The following CLEC16A variants were observed in gnomAD, a reference collection of about 807,000 sequenced individuals.
CLEC16A encodes the protein protein CLEC16A.
CLEC16A carries 51 observed loss-of-function variants against 109.5 expected under a neutral mutation model. The observed-to-expected ratio is 0.47, with a 90% confidence interval of 0.37 to 0.59. The LOEUF is 0.59. Ranked by LOEUF, CLEC16A falls within the 20% of genes least tolerant of loss-of-function variation. The pLI, the probability that CLEC16A is intolerant of heterozygous loss-of-function variation, is 0.00. For missense variants in CLEC16A, 1,339 were observed against 1,394.0 expected, an observed-to-expected ratio of 0.96 and a Z score of 0.63; for synonymous variants, 673 against 564.2, an observed-to-expected ratio of 1.19 and a Z score of -2.73.
intron 1 of CLEC16A, among the ~76,000 whole-genome samples, chr16:10,955,062 G>A (rs1344725794): frequency 6.6e-6 from 1 of 152,212 alleles, no homozygotes; most frequent in Non-Finnish European, 1.5e-5. Flanking sequence ...CCACCACTGT[G>A]TAGAATCTGA....
At chr16:11,168,244 T>A (rs2068356321) in intron 23 of CLEC16A, among the ~76,000 whole-genome samples, 1 of 152,200 alleles carries the variant, frequency 6.6e-6, no homozygotes, top group Admixed American at 6.5e-5. Context: ...AGTTTCTTTT[T>A]TCTTGGCCTC....
chr16:11,171,281 G>A (rs1016847088), intron 23 of CLEC16A, among the ~76,000 whole-genome samples: 1 of 152,344 alleles, frequency 6.6e-6, no homozygotes, highest in East Asian at 1.9e-4. Context: ...CCCTCCGTGT[G>A]CAGCACCTGC....
rs757760220 is a variant in CLEC16A, at chr16:11,003,232, C to A, written c.1230C>A (p.Ala410=). The change falls in exon 11 of 24, where the codon GCC becomes GCA. Residue 410 remains alanine (A), a synonymous_variant. Coordinates refer to ENST00000409790, the MANE Select transcript of CLEC16A (RefSeq NM_015226.3). The part of the protein sequence containing the change: ...EDEEKGPTED[A]QEDAEKAKGT... ...AGGAGAAAGGGCCCACCGAGGATGC[C>A]CAAGAAGACGCCGAGAAGGCTAAAG... 1.1e-5 allele frequency: 18 copies of A among 1,613,126 alleles called. No individual in the cohort carries two copies. In the African/African-American group the frequency reaches 1.9e-4, roughly 17 times the overall value.
At chr16:11,115,734 A>G (rs935733305) in intron 19 of CLEC16A, among the ~76,000 whole-genome samples, 1 of 152,214 alleles carries the variant, frequency 6.6e-6, no homozygotes, top group Non-Finnish European at 1.5e-5. Flanking sequence ...GTTTATAAGA[A>G]TGAATATGAT....
At chr16:11,146,908 G>A (rs1348504357) in intron 22 of CLEC16A, among the ~76,000 whole-genome samples, 1 of 152,144 alleles carries the variant, frequency 6.6e-6, no homozygotes, top group Non-Finnish European at 1.5e-5. Context: ...GGGCACTGTG[G>A]ACACCTTAGA....
intron 19 of CLEC16A, among the ~76,000 whole-genome samples, chr16:11,093,225 A>G (rs535650423): frequency 1.3e-5 from 2 of 152,382 alleles, no homozygotes; most frequent in East Asian, 3.9e-4. Context: ...AGAGAAGGGC[A>G]GTAGGCTTCA....
rs1426668220 is a variant in CLEC16A at position 10,971,148 on chromosome 16, C to T, written c.516C>T (p.Tyr172=). ...AGCACACCAATGACTTTGCCCTGTA[C>T]ACAGAAGCCATCAAGTTTTTCAACC... ...YNEHTNDFAL[Y]TEAIKFFNHP... is the part of the protein sequence containing the mutation. Residue 172 remains tyrosine, a synonymous_variant, in exon 5 of 24, where the codon TAC becomes TAT. Coordinates refer to ENST00000409790, the MANE Select transcript of CLEC16A (RefSeq NM_015226.3). 4 of 1,613,056 alleles carry T rather than the reference C, an allele frequency of 2.5e-6. No homozygotes were observed. Among genetic ancestry groups the T allele is most frequent in the African/African-American group, 1.3e-5 (1 of 74,928 alleles).
rs116795309 is a variant in CLEC16A at position 11,006,002 on chromosome 16, C to T, written c.1303+2697C>T. On this transcript the variant is annotated intron_variant, in intron 11 of 23. Coordinates refer to ENST00000409790, the MANE Select transcript of CLEC16A (RefSeq NM_015226.3). ...TTAAGTGAAGATACGTTGATATTTG[C>T]GATTGCAAGATTTAGAAATCCAACT... Among the ~76,000 whole-genome samples, 687 of 151,376 alleles carry T rather than the reference C, an allele frequency of 4.5e-3. 6 individuals are homozygous for T. The highest frequency in any genetic ancestry group is 0.031 in the Middle Eastern group (9 of 294).
intron 22 of CLEC16A, among the ~76,000 whole-genome samples, chr16:11,145,544 CAG>C (rs919526527): frequency 1.6e-4 from 25 of 152,276 alleles, no homozygotes; most frequent in Non-Finnish European, 3.2e-4. Context: ...CTTTAAGCAG[CAG>C]AGAGTCAGGC....
intron 23 of CLEC16A, among the ~76,000 whole-genome samples, chr16:11,175,682 C>A (rs1273402845): frequency 6.6e-6 from 1 of 152,294 alleles, no homozygotes; most frequent in East Asian, 1.9e-4. Context: ...CTACTTTTAG[C>A]GGGGAAACCA....
intron 23 of CLEC16A, among the ~76,000 whole-genome samples, chr16:11,171,379 C>G (rs1053757857): frequency 1.2e-4 from 19 of 152,202 alleles, no homozygotes; most frequent in African/African-American, 2.4e-5. Context: ...AAGGGAGAGT[C>G]AACACCGAAC....
intron 10 of CLEC16A, among the ~76,000 whole-genome samples, chr16:10,991,960 T>G (rs961552432): frequency 1.3e-5 from 2 of 152,204 alleles, no homozygotes; most frequent in African/African-American, 4.8e-5. Flanking sequence ...CTCTCATCCC[T>G]GGAGGTGATT....
At chr16:10,962,352 G>A (rs2042289710) in intron 2 of CLEC16A, 103 bp from the exon 3 acceptor site, 2 of 1,406,060 alleles carry the variant, frequency 1.4e-6, no homozygotes, top group African/African-American at 2.8e-5. Context: ...TACCTTGGGG[G>A]AGAGGGGTGA....
chr16:11,070,510 C>G (rs977976999), intron 19 of CLEC16A: 3 of 152,064 alleles, frequency 2.0e-5, no homozygotes, highest in African/African-American at 7.3e-5. Flanking sequence ...CCCAGCTGTG[C>G]CATTATCTTT....
chr16:11,090,716 C>A (rs950947903), intron 19 of CLEC16A, among the ~76,000 whole-genome samples: 6 of 151,884 alleles, frequency 4.0e-5, no homozygotes, highest in African/African-American at 1.5e-4. Context: ...GTGATCTTGG[C>A]TCACTGCAAC....
intron 10 of CLEC16A, among the ~76,000 whole-genome samples, chr16:10,991,862 A>AC (rs1331525930): frequency 6.6e-6 from 1 of 151,972 alleles, no homozygotes; most frequent in African/African-American, 2.4e-5. Context: ...CTTCTCAGAG[A>AC]CCCCTGCCCT....
intron 7 of CLEC16A, among the ~76,000 whole-genome samples, chr16:10,974,362 G>C (rs1236108222): frequency 1.3e-5 from 2 of 152,194 alleles, no homozygotes; most frequent in African/African-American, 4.8e-5. Context: ...TTAAAAAACA[G>C]ATTAGGATGG....
chr16:11,027,062 A>G (rs1415304819), intron 13 of CLEC16A: 9 of 1,555,408 alleles, frequency 5.8e-6, no homozygotes, highest in Non-Finnish European at 7.1e-6. Flanking sequence ...CTTTGGTTCC[A>G]GAAAATCTCC....
At position 11,140,291 on chromosome 16, in the gene CLEC16A, G is replaced by A. The variant is rs573637106; in HGVS notation, c.2641+14145G>A. ...CACGGATGTCCTGTTGAACCTCACG[G>A]ATGGCTGGGTGGCAGGAAGAGTCAG... On this transcript the variant is annotated intron_variant, in intron 22 of 23. Coordinates refer to ENST00000409790, the MANE Select transcript of CLEC16A (RefSeq NM_015226.3). 3.3e-4 allele frequency among the ~76,000 whole-genome samples: 51 copies of A among 152,316 alleles called. No homozygotes were observed. In the East Asian group the frequency reaches 9.3e-3, roughly 28 times the overall value.
Sources: allele counts gnomAD v4.1 joint callset (sites outside exome capture counted in the v4.1 genomes callset), GRCh38; gene constraint gnomAD v4.1.1; transcripts MANE v1.5; gene names NCBI Gene and HGNC (gene_info 2026-07-23, HGNC 2026-07-21).